The following BBX variants were observed in gnomAD, a reference collection of about 807,000 sequenced individuals.
The protein encoded by BBX is HMG box transcription factor BBX.
Under a neutral mutation model 100.2 loss-of-function variants are expected in BBX, and 30 were observed. The ratio of observed to expected loss-of-function variants is 0.30; its 90% confidence interval spans 0.22 to 0.41. The LOEUF is 0.41. Among genes scored for constraint, BBX ranks in the 10% least tolerant of loss-of-function variants. The pLI is 1.00. For synonymous variants in BBX, 376 were observed against 388.1 expected (o/e 0.97, Z 0.37); for missense variants, 1,023 against 1,129.8 (o/e 0.91, Z 1.35).
At chr3:107,629,201 T>A (rs1241315256) in intron 2 of BBX, among the ~76,000 whole-genome samples, 1 of 152,092 alleles carries the variant, frequency 6.6e-6, no homozygotes, top group Admixed American at 6.6e-5. Flanking sequence ...TAGAACCTCC[T>A]CTTCACAAAA....
chr3:107,658,786 T>G (rs747135914), intron 3 of BBX, among the ~76,000 whole-genome samples: 20 of 152,178 alleles, frequency 1.3e-4, no homozygotes, highest in Non-Finnish European at 2.4e-4. Flanking sequence ...GGTGTCATTA[T>G]TCCCATCTTA....
rs149699113 is a variant in BBX, at chr3:107,688,095, T to C, written c.-9-22357T>C. On this transcript the variant is annotated intron_variant, in intron 3 of 17. Transcript: ENST00000325805. ...AATACAAAATGTTATTTACACTTTATTACATTTTATATCTGTTCCCAGATT... is the reference window on the plus strand; with the variant it reads ...AATACAAAATGTTATTTACACTTTACTACATTTTATATCTGTTCCCAGATT... Among the ~76,000 whole-genome samples, 413 of 152,296 alleles carry C rather than the reference T, an allele frequency of 2.7e-3. 1 individual carries two copies. Among genetic ancestry groups the C allele is most frequent in the Non-Finnish European group, 4.1e-3 (279 of 68,014 alleles).
intron 4 of BBX, among the ~76,000 whole-genome samples, chr3:107,715,409 C>T (rs962399419): frequency 6.6e-6 from 1 of 152,186 alleles, no homozygotes; most frequent in African/African-American, 2.4e-5. Flanking sequence ...CTAATGGTTA[C>T]AAGTTGAGTA....
chr3:107,723,841 T>G (rs2062719992), intron 5 of BBX, among the ~76,000 whole-genome samples: 1 of 152,188 alleles, frequency 6.6e-6, no homozygotes, highest in African/African-American at 2.4e-5. Context: ...TCCAAGTCTT[T>G]GCTATTGTGA....
chr3:107,760,945 C>T (rs1001059505), intron 10 of BBX, among the ~76,000 whole-genome samples: 1 of 152,170 alleles, frequency 6.6e-6, no homozygotes, highest in Admixed American at 6.5e-5. Context: ...TCAAGCTAGC[C>T]TTCCTTCATG....
chr3:107,565,721 T>C (rs949652030), intron 2 of BBX, among the ~76,000 whole-genome samples: 1 of 151,474 alleles, frequency 6.6e-6, no homozygotes, highest in Non-Finnish European at 1.5e-5. Context: ...ACTGGGATCA[T>C]GCTCGGATTA....
At chr3:107,526,522 T>C in intron 2 of BBX, 124 bp downstream of exon 2, 1 of 395,810 alleles carries the variant, frequency 2.5e-6, no homozygotes, top group Non-Finnish European at 4.4e-6. Context: ...CTTGTCTCAC[T>C]GAGTTTCCCA....
At chr3:107,585,726 T>C (rs924932143) in intron 2 of BBX, among the ~76,000 whole-genome samples, 8 of 152,140 alleles carry the variant, frequency 5.3e-5, no homozygotes, top group Admixed American at 1.3e-4. Context: ...ATAAGAGAAA[T>C]AGTCCTAGAA....
At chr3:107,553,761 A>G (rs2049876382) in intron 2 of BBX, among the ~76,000 whole-genome samples, 1 of 152,256 alleles carries the variant, frequency 6.6e-6, no homozygotes, top group Non-Finnish European at 1.5e-5. Flanking sequence ...TTGAAACAGT[A>G]TTAATTTTAC....
At chr3:107,582,648 A>G (rs2052371436) in intron 2 of BBX, among the ~76,000 whole-genome samples, 1 of 152,092 alleles carries the variant, frequency 6.6e-6, no homozygotes, top group Admixed American at 6.5e-5. Flanking sequence ...ATCTGTTGGC[A>G]TATAAGAAAA....
intron 17 of BBX, among the ~76,000 whole-genome samples, chr3:107,803,529 G>T (rs1399078609): frequency 6.6e-6 from 1 of 152,172 alleles, no homozygotes; most frequent in Admixed American, 6.5e-5. Flanking sequence ...CTAACGTTAG[G>T]TTCAGAAACC....
rs531267513 is a variant in BBX at position 107,583,928 on chromosome 3, AAT to A, written c.-84+57539_-84+57540del. ...AAAGTATAAATTATACTTTATATATAATATATATATTATATATATTATTATAT... is the reference window on the plus strand; with the variant it reads ...AAAGTATAAATTATACTTTATATATAATATATATTATATATATTATTATAT... On this transcript the variant is annotated intron_variant, in intron 2 of 17. Transcript: ENST00000325805. 4.7e-3 allele frequency among the ~76,000 whole-genome samples: 509 copies of A among 107,326 alleles called. 14 individuals carry two copies. The highest frequency in any genetic ancestry group is 0.016 in the African/African-American group (413 of 25,950). The allele number at this position is 107,326 out of a possible 152,430, so 70.4% of individuals were successfully genotyped here.
chr3:107,762,165 G>A (rs750954311), intron 10 of BBX, among the ~76,000 whole-genome samples: 1 of 152,128 alleles, frequency 6.6e-6, no homozygotes, highest in Non-Finnish European at 1.5e-5. Flanking sequence ...AGAAAGTAGA[G>A]GAATGTATCT....
chr3:107,696,746 C>A (rs1363852854), intron 3 of BBX, among the ~76,000 whole-genome samples: 1 of 151,430 alleles, frequency 6.6e-6, no homozygotes, highest in African/African-American at 2.4e-5. Flanking sequence ...TGTTGGCCTG[C>A]CTTGCTAGAT....
chr3:107,573,361 CA>C (rs1351777176), intron 2 of BBX, among the ~76,000 whole-genome samples: 35 of 152,222 alleles, frequency 2.3e-4, no homozygotes, highest in African/African-American at 8.2e-4. Context: ...AGTTTGAGAC[CA>C]GCCTGGCCAA....
intron 2 of BBX, among the ~76,000 whole-genome samples, chr3:107,531,465 A>C (rs2048156155): frequency 6.6e-6 from 1 of 152,134 alleles, no homozygotes; most frequent in South Asian, 2.1e-4. Flanking sequence ...GACAGTAATG[A>C]ATGTAGGACC....
intron 10 of BBX, among the ~76,000 whole-genome samples, chr3:107,757,223 C>A (rs1459727983): frequency 6.6e-6 from 1 of 151,202 alleles, no homozygotes. Flanking sequence ...AATGTATGAA[C>A]CTTTGGGGTA....
intron 5 of BBX, among the ~76,000 whole-genome samples, chr3:107,727,614 A>C (rs2063049145): frequency 6.6e-6 from 1 of 152,204 alleles, no homozygotes; most frequent in Non-Finnish European, 1.5e-5. Flanking sequence ...AGATAATGTG[A>C]AATAATTCTA....
At chr3:107,764,900 C>T (rs1390914105) in intron 10 of BBX, among the ~76,000 whole-genome samples, 1 of 152,176 alleles carries the variant, frequency 6.6e-6, no homozygotes, top group Non-Finnish European at 1.5e-5. Flanking sequence ...CATTTGTAAA[C>T]CCCACTACAG....
Sources: gnomAD v4.1 joint callset for allele counts (sites outside exome capture counted in the v4.1 genomes callset) on GRCh38, gnomAD v4.1.1 for gene constraint, MANE v1.5 for transcripts, NCBI Gene and HGNC (gene_info 2026-07-23, HGNC 2026-07-21) for gene names.